Variants in POU6F2 observed in about 807,000 individuals in gnomAD.
The protein encoded by POU6F2 is POU class 6 homeobox 2.
POU6F2 carries 31 observed loss-of-function variants against 71.3 expected under a neutral mutation model. The observed-to-expected ratio is 0.43, with a 90% CI of 0.33 to 0.59. The LOEUF (loss-of-function observed/expected upper bound fraction) is 0.59, where lower values mean the gene tolerates loss of function less well. Ranked by LOEUF, POU6F2 falls within the 20% of genes least tolerant of loss-of-function variation. The pLI, the probability that POU6F2 is intolerant of heterozygous loss-of-function variation, is 0.04. For synonymous variants in POU6F2, 347 were observed against 355.7 expected, an observed-to-expected ratio of 0.98 and a Z score of 0.27; for missense variants, 783 against 856.8, an observed-to-expected ratio of 0.91 and a Z score of 1.07.
In POU6F2 at chr7:39,439,680, G is replaced by A. The variant is rs569773133; in HGVS notation, c.1320+6397G>A. 5.3e-5 allele frequency among the ~76,000 whole-genome samples: 8 copies of A among 152,226 alleles called. No individual in the cohort carries two copies. In the South Asian group the frequency reaches 1.7e-3, roughly 32 times the overall value. On this transcript the variant is annotated intron_variant, in intron 7 of 9. Coordinates refer to ENST00000518318, the MANE Select transcript of POU6F2 (RefSeq NM_001370959.1). ...ATTTTTTGTATTTTTAGTAGAGACA[G>A]GGTTTCGCCATGTTGGCCAGGCTGC... is the stretch of plus-strand genomic sequence containing the variant.
At chr7:39,259,845 C>A (rs1784097588) in intron 4 of POU6F2, among the ~76,000 whole-genome samples, 1 of 152,072 alleles carries the variant, frequency 6.6e-6, no homozygotes, top group Admixed American at 6.5e-5. Flanking sequence ...AGGCACCATG[C>A]AGACAGAGCC....
At chr7:39,316,150 G>A (rs1171870230) in intron 4 of POU6F2, among the ~76,000 whole-genome samples, 1 of 152,132 alleles carries the variant, frequency 6.6e-6, no homozygotes, top group Non-Finnish European at 1.5e-5. Flanking sequence ...CTCAGAAATA[G>A]CATGCCTCAG....
intron 5 of POU6F2, among the ~76,000 whole-genome samples, chr7:39,369,612 C>T (rs1786569094): frequency 6.6e-6 from 1 of 152,128 alleles, no homozygotes; most frequent in Non-Finnish European, 1.5e-5. Flanking sequence ...GATCTGCCCT[C>T]CTTGGCCTCC....
intron 2 of POU6F2, among the ~76,000 whole-genome samples, chr7:39,096,142 T>TAA (rs1440152304): frequency 6.6e-6 from 1 of 152,162 alleles, no homozygotes; most frequent in Non-Finnish European, 1.5e-5. Flanking sequence ...TCAGTCCTCT[T>TAA]AACATTTGTA....
At chr7:39,127,944 G>A (rs893329386) in intron 2 of POU6F2, among the ~76,000 whole-genome samples, 7 of 148,304 alleles carry the variant, frequency 4.7e-5, no homozygotes, top group Non-Finnish European at 8.9e-5. Flanking sequence ...CCGGGTTCAC[G>A]GCATTCTCCT....
intron 5 of POU6F2, among the ~76,000 whole-genome samples, chr7:39,392,069 C>T (rs571791765): frequency 6.6e-6 from 1 of 152,294 alleles, no homozygotes; most frequent in East Asian, 1.9e-4. Flanking sequence ...GCCATATGTT[C>T]CTACTTGCTG....
At chr7:39,418,939 G>GTA (rs149279901) in intron 6 of POU6F2, among the ~76,000 whole-genome samples, 14 of 136,682 alleles carry the variant, frequency 1.0e-4, no homozygotes, top group African/African-American at 3.6e-4. Context: ...GTATATATGT[G>GTA]TATATATGTA....
At chr7:39,219,881 T>G (rs1213734149) in intron 4 of POU6F2, among the ~76,000 whole-genome samples, 3 of 152,138 alleles carry the variant, frequency 2.0e-5, no homozygotes, top group Non-Finnish European at 4.4e-5. Flanking sequence ...ACATTTGACA[T>G]AAGATAATTT....
intron 2 of POU6F2, among the ~76,000 whole-genome samples, chr7:39,137,756 G>A (rs1263318770): frequency 6.6e-6 from 1 of 152,062 alleles, no homozygotes; most frequent in Admixed American, 6.5e-5. Flanking sequence ...TAAACCCTAT[G>A]TACCTCTTTA....
intron 2 of POU6F2, among the ~76,000 whole-genome samples, chr7:39,179,546 C>A (rs921319786): frequency 6.6e-5 from 10 of 152,248 alleles, no homozygotes; most frequent in African/African-American, 2.4e-4. Context: ...CACACACACA[C>A]ACACGCACAC....
At chr7:39,215,576 T>C (rs1399078022) in intron 4 of POU6F2, among the ~76,000 whole-genome samples, 1 of 152,156 alleles carries the variant, frequency 6.6e-6, no homozygotes, top group Non-Finnish European at 1.5e-5. Flanking sequence ...TCAATGAATA[T>C]TTACTGAACT....
intron 1 of POU6F2, among the ~76,000 whole-genome samples, chr7:38,986,675 A>G (rs1218705048): frequency 1.3e-5 from 2 of 152,168 alleles, no homozygotes; most frequent in Non-Finnish European, 2.9e-5. Flanking sequence ...CTAAAAAATT[A>G]TAACAGTAAT....
intron 7 of POU6F2, among the ~76,000 whole-genome samples, chr7:39,435,477 T>C (rs993224003): frequency 6.6e-6 from 1 of 152,202 alleles, no homozygotes; most frequent in African/African-American, 2.4e-5. Context: ...TTTCATGGGA[T>C]TGTTTTTTTC....
chr7:39,417,497 C>A (rs10262012), intron 6 of POU6F2, among the ~76,000 whole-genome samples: 42,464 of 152,036 alleles, frequency 0.28, 6,252 homozygotes, highest in East Asian at 0.54. Flanking sequence ...GCTTTCCTAC[C>A]TGTATAACTA....
intron 1 of POU6F2, among the ~76,000 whole-genome samples, chr7:39,069,369 T>C (rs377329645): frequency 6.6e-6 from 1 of 152,314 alleles, no homozygotes; most frequent in Admixed American, 6.5e-5. Context: ...TCCGGGCTGA[T>C]GCCCAGGCTG....
intron 4 of POU6F2, among the ~76,000 whole-genome samples, chr7:39,251,304 A>G (rs1337932040): frequency 1.3e-5 from 2 of 152,108 alleles, no homozygotes; most frequent in East Asian, 3.9e-4. Flanking sequence ...TTTTATTTCC[A>G]GTTGATGGCA....
rs139751200 is a variant in POU6F2 at position 39,390,067 on chromosome 7, G to A, written c.973-16533G>A. Reference sequence around the variant, plus strand: ...ACATCAGGTAGGTAGTGATAGTGAGGACACCATCAGATACGATCATGCTCA... The same window carrying A: ...ACATCAGGTAGGTAGTGATAGTGAGAACACCATCAGATACGATCATGCTCA... On this transcript the variant is annotated intron_variant, in intron 5 of 9. Transcript: ENST00000518318. 2.6e-5 allele frequency among the ~76,000 whole-genome samples: 4 copies of A among 152,248 alleles called. No homozygotes were observed. The East Asian group carries it at 7.7e-4, about 29-fold the overall frequency.
At chr7:39,219,882 A>G (rs1209084247) in intron 4 of POU6F2, among the ~76,000 whole-genome samples, 1 of 152,174 alleles carries the variant, frequency 6.6e-6, no homozygotes, top group Non-Finnish European at 1.5e-5. Context: ...CATTTGACAT[A>G]AGATAATTTG....
intron 5 of POU6F2, among the ~76,000 whole-genome samples, chr7:39,383,405 CA>C (rs1786870321): frequency 6.6e-6 from 1 of 152,144 alleles, no homozygotes; most frequent in Non-Finnish European, 1.5e-5. Context: ...TCACCACTAA[CA>C]GAAACTTTCT....
Sources: gnomAD v4.1 joint callset for allele counts (sites outside exome capture counted in the v4.1 genomes callset) on GRCh38, gnomAD v4.1.1 for gene constraint, MANE v1.5 for transcripts, NCBI Gene and HGNC (gene_info 2026-07-23, HGNC 2026-07-21) for gene names.